The following PRKCA variants were observed in gnomAD, a reference collection of about 807,000 sequenced individuals.
PRKCA encodes protein kinase C alpha.
A neutral mutation model predicts 87.0 loss-of-function variants in PRKCA; 27 were observed. The observed-to-expected ratio is 0.31, with a 90% CI of 0.23 to 0.43. The LOEUF (loss-of-function observed/expected upper bound fraction) is 0.43, where lower values mean the gene tolerates loss of function less well. Among genes scored for constraint, PRKCA ranks in the 20% least tolerant of loss-of-function variants. The pLI, the probability that PRKCA is intolerant of heterozygous loss-of-function variation, is 1.00. For missense variants in PRKCA, 518 were observed against 852.3 expected, an observed-to-expected ratio of 0.61 and a Z score of 4.88; for synonymous variants, 329 against 311.1, an observed-to-expected ratio of 1.06 and a Z score of -0.61.
intron 3 of PRKCA, among the ~76,000 whole-genome samples, chr17:66,604,588 A>G (rs757903532): frequency 9.9e-5 from 15 of 152,194 alleles, no homozygotes; most frequent in African/African-American, 3.6e-4. Context: ...ACCAGTGTAC[A>G]ACCACACTAC....
intron 3 of PRKCA, among the ~76,000 whole-genome samples, chr17:66,582,947 C>A (rs1969489517): frequency 6.6e-6 from 1 of 152,158 alleles, no homozygotes; most frequent in Non-Finnish European, 1.5e-5. Context: ...GGAACCCCAG[C>A]CCCTGCCATT....
At chr17:66,737,326 G>A (rs1050025107) in intron 10 of PRKCA, among the ~76,000 whole-genome samples, 28 of 152,266 alleles carry the variant, frequency 1.8e-4, no homozygotes, top group African/African-American at 6.3e-4. Flanking sequence ...TGGCGCCACT[G>A]CACTCCAGCC....
Position 66,345,707 on chromosome 17 carries a change from G to A in PRKCA, c.205+39580G>A, listed in dbSNP as rs960344664. Among the ~76,000 whole-genome samples the A allele has an allele frequency of 1.1e-4, 16 of 152,112 alleles. No individual in the cohort carries two copies. In the South Asian group the frequency reaches 1.2e-3, roughly 12 times the overall value. On this transcript the variant is annotated intron_variant, in intron 2 of 16. Transcript: ENST00000413366. ...ACCTTAAAACTTGAGTTATTTCATC[G>A]TAAAATTGCAGGCAGGAAAAATATA...
chr17:66,475,339 T>C (rs6504434), intron 2 of PRKCA, among the ~76,000 whole-genome samples: 71,149 of 151,820 alleles, frequency 0.47, 18,066 homozygotes, highest in African/African-American at 0.66. Context: ...TTGGCAGCCA[T>C]GGCACCTCAT....
chr17:66,735,533 C>A lies in PRKCA; in HGVS notation c.1101C>A (p.Ile367=), dbSNP rs758765811. The change falls in exon 10 of 17, where the codon ATC becomes ATA. Residue 367 remains isoleucine, a synonymous_variant. Transcript: ENST00000413366. ...DRKGTEELYA[I]KILKKDVVIQ... ...AGGGCACAGAAGAACTGTATGCAAT[C>A]AAAATCCTGAAGAAGGATGTGGTGA... The A allele has an allele frequency of 1.2e-4, 191 of 1,614,022 alleles. No individual in the cohort carries two copies. Among genetic ancestry groups the A allele is most frequent in the Admixed American group, 5.7e-4 (34 of 60,004 alleles).
chr17:66,391,892 CA>C, intron 2 of PRKCA, among the ~76,000 whole-genome samples: 1 of 152,146 alleles, frequency 6.6e-6, no homozygotes, highest in South Asian at 2.1e-4. Context: ...GTAGGCACCC[CA>C]ACCCTAAATA....
chr17:66,732,117 G>T, intron 8 of PRKCA, among the ~76,000 whole-genome samples: 1 of 125,146 alleles, frequency 8.0e-6, no homozygotes, highest in Admixed American at 8.2e-5. Context: ...TGATTTAAAA[G>T]AAAAAAAAAA....
intron 16 of PRKCA, among the ~76,000 whole-genome samples, chr17:66,798,386 GTGGTGGTGGTGGTGGTGGTGATGGTGA>G (rs1568040605): frequency 8.6e-4 from 88 of 102,838 alleles, no homozygotes; most frequent in Middle Eastern, 4.6e-3. Flanking sequence ...GGCGGTGGTG[GTGGTGGTGGTGGTGGTGGTGATGGTGA>G]TGGTGGTGGT....
chr17:66,788,472 G>A (rs1451888338), intron 15 of PRKCA, among the ~76,000 whole-genome samples: 1 of 151,992 alleles, frequency 6.6e-6, no homozygotes, highest in Non-Finnish European at 1.5e-5. Context: ...GATGCTTTCA[G>A]CACACACAAT....
intron 2 of PRKCA, among the ~76,000 whole-genome samples, chr17:66,391,789 C>T (rs1036041661): frequency 5.9e-5 from 9 of 152,122 alleles, no homozygotes; most frequent in East Asian, 1.9e-4. Flanking sequence ...GTTAACAACT[C>T]GGCACACCCA....
chr17:66,798,519 C>T (rs12939626), intron 16 of PRKCA, among the ~76,000 whole-genome samples: 6 of 484 alleles, frequency 0.012, no homozygotes, highest in South Asian at 0.062. Context: ...ACGGTGGTGA[C>T]GGTGGTGGTG....
intron 2 of PRKCA, among the ~76,000 whole-genome samples, chr17:66,372,956 CTGA>C (rs562916466): frequency 0.016 from 2,504 of 152,104 alleles, 31 homozygotes; most frequent in South Asian, 0.026. Context: ...ACTTGGGAGG[CTGA>C]GTTCCAGCAG....
chr17:66,632,133 G>A (rs1423021842), intron 3 of PRKCA, among the ~76,000 whole-genome samples: 2 of 152,156 alleles, frequency 1.3e-5, no homozygotes, highest in Non-Finnish European at 2.9e-5. Context: ...TCCCCCAATG[G>A]TGTCTCATGA....
intron 2 of PRKCA, among the ~76,000 whole-genome samples, chr17:66,368,386 ATTT>A (rs1180540465): frequency 2.7e-4 from 7 of 25,466 alleles, no homozygotes; most frequent in Admixed American, 7.9e-4. Flanking sequence ...ATATATATAT[ATTT>A]TTTTTTTTTT....
At chr17:66,789,119 T>C in intron 16 of PRKCA, 140 bp downstream of exon 16, 1 of 1,069,182 alleles carries the variant, frequency 9.4e-7, no homozygotes, top group Non-Finnish European at 1.4e-6. Flanking sequence ...GTTTCAGCCT[T>C]GTCCTCAGTC....
At chr17:66,532,018 T>G (rs771709141) in intron 3 of PRKCA, among the ~76,000 whole-genome samples, 2 of 152,190 alleles carry the variant, frequency 1.3e-5, no homozygotes, top group African/African-American at 4.8e-5. Context: ...TCCTGCATTA[T>G]TCAGCGCCTT....
Position 66,790,471 on chromosome 17 carries a change from G to T in PRKCA, c.1854+1492G>T, listed in dbSNP as rs562744627. On this transcript the variant is annotated intron_variant, in intron 16 of 16. Transcript: ENST00000413366. ...AAACCCGGTCTGGAGGTTTTTGGGGGTGGGGAGAGTGATTAATGGTGCTGC... is the reference window on the plus strand; with the variant it reads ...AAACCCGGTCTGGAGGTTTTTGGGGTTGGGGAGAGTGATTAATGGTGCTGC... Among the ~76,000 whole-genome samples, 13 of 152,278 alleles carry T rather than the reference G, an allele frequency of 8.5e-5. No individual in the cohort carries two copies. In the South Asian group the frequency reaches 1.5e-3, roughly 17 times the overall value.
chr17:66,416,529 T>G (rs886433156), intron 2 of PRKCA: 2 of 152,222 alleles, frequency 1.3e-5, no homozygotes, highest in Non-Finnish European at 2.9e-5. Flanking sequence ...CACTAAGCCT[T>G]TTCAAGGACT....
intron 1 of PRKCA, 70 bp downstream of exon 1, chr17:66,303,094 C>T: frequency 1.3e-6 from 2 of 1,563,290 alleles, no homozygotes; most frequent in South Asian, 2.3e-5. Flanking sequence ...GGCGCTCCGG[C>T]GCGTCCGCCC....
Sources: allele counts gnomAD v4.1 joint callset (sites outside exome capture counted in the v4.1 genomes callset), GRCh38; gene constraint gnomAD v4.1.1; transcripts MANE v1.5; gene names NCBI Gene and HGNC (gene_info 2026-07-23, HGNC 2026-07-21).